IGF1R: variants seen among roughly 807,000 people sequenced by gnomAD.
IGF1R encodes insulin-like growth factor 1 receptor.
In IGF1R, 44 loss-of-function variants were observed where a neutral mutation model predicts 144.6. That is an observed-to-expected ratio of 0.30 (90% CI 0.24 to 0.39). IGF1R has a LOEUF of 0.39. Among genes scored for constraint, IGF1R ranks in the 10% least tolerant of loss-of-function variants. The pLI is 1.00. For missense variants in IGF1R, 1,355 were observed against 1,833.7 expected (o/e 0.74, Z 4.77); for synonymous variants, 795 against 722.8 (o/e 1.10, Z -1.60).
intron 1 of IGF1R, among the ~76,000 whole-genome samples, chr15:98,695,529 A>G (rs2053576243): frequency 6.6e-6 from 1 of 152,198 alleles, no homozygotes; most frequent in East Asian, 1.9e-4. Flanking sequence ...TCCCTAAATT[A>G]CCTGAGTGAT....
In IGF1R at chr15:98,857,771, C is replaced by A. The variant is rs8034065; in HGVS notation, c.641-33554C>A. Among the ~76,000 whole-genome samples the A allele has an allele frequency of 5.3e-4, 80 of 152,264 alleles. 1 individual carries two copies. The highest frequency in any genetic ancestry group is 1.7e-3 in the African/African-American group (72 of 41,540). Reference sequence around the variant, plus strand: ...CTACATGTGGCTAATGGCTACTGGACATCACAGATCTAACACAGGATTAAC... The same window carrying A: ...CTACATGTGGCTAATGGCTACTGGAAATCACAGATCTAACACAGGATTAAC... On this transcript the variant is annotated intron_variant, in intron 2 of 20. Transcript: ENST00000650285.
At chr15:98,780,882 C>T (rs1391069119) in intron 2 of IGF1R, among the ~76,000 whole-genome samples, 4 of 152,196 alleles carry the variant, frequency 2.6e-5, no homozygotes, top group African/African-American at 9.7e-5. Flanking sequence ...AGAAAATCTA[C>T]ACAATCTTAC....
At chr15:98,698,128 T>C (rs555280883) in intron 1 of IGF1R, among the ~76,000 whole-genome samples, 1 of 150,334 alleles carries the variant, frequency 6.7e-6, no homozygotes, top group African/African-American at 2.5e-5. Flanking sequence ...AACCTCTGCC[T>C]CCCAGGTTGA....
chr15:98,896,874 G>C lies in IGF1R; in HGVS notation c.1071G>C (p.Lys357Asn), dbSNP rs1272764447. The change falls in exon 4 of 21, where the codon AAG becomes AAC. Residue 357 changes from lysine to asparagine, a missense_variant. Transcript: ENST00000650285. ...TGCTCCAAGGATGCACCATCTTCAA[G>C]GGCAATTTGCTCATTAACATCCGAC... ...AQMLQGCTIF[K>N]GNLLINIRRG... 1 of 1,614,010 alleles carries C rather than the reference G, an allele frequency of 6.2e-7. No individual in the cohort carries two copies. The highest frequency in any genetic ancestry group is 8.5e-7 in the Non-Finnish European group (1 of 1,179,998).
At chr15:98,770,163 C>T (rs2055547941) in intron 2 of IGF1R, among the ~76,000 whole-genome samples, 1 of 152,164 alleles carries the variant, frequency 6.6e-6, no homozygotes, top group South Asian at 2.1e-4. Context: ...CACCATGTCA[C>T]TCTGACTTCC....
chr15:98,786,876 C>T (rs2056011027), intron 2 of IGF1R, among the ~76,000 whole-genome samples: 1 of 152,176 alleles, frequency 6.6e-6, no homozygotes. Context: ...CACTTTGTTG[C>T]CGTCCTAACC....
At chr15:98,755,418 A>C (rs911549600) in intron 2 of IGF1R, among the ~76,000 whole-genome samples, 3 of 152,200 alleles carry the variant, frequency 2.0e-5, no homozygotes, top group African/African-American at 7.2e-5. Flanking sequence ...GTGTATGTGT[A>C]TACATCCATC....
At chr15:98,769,911 T>C (rs1317636441) in intron 2 of IGF1R, among the ~76,000 whole-genome samples, 2 of 152,220 alleles carry the variant, frequency 1.3e-5, no homozygotes, top group Non-Finnish European at 2.9e-5. Context: ...GGATTTGAGA[T>C]TTTCTATCCC....
intron 2 of IGF1R, among the ~76,000 whole-genome samples, chr15:98,717,962 C>T (rs912167029): frequency 2.0e-5 from 3 of 152,160 alleles, no homozygotes; most frequent in Non-Finnish European, 4.4e-5. Flanking sequence ...TGCACACGTG[C>T]ACGTGTGCGT....
intron 2 of IGF1R, among the ~76,000 whole-genome samples, chr15:98,857,634 C>T (rs1057363097): frequency 2.0e-4 from 31 of 152,230 alleles, no homozygotes; most frequent in Admixed American, 1.6e-3. Context: ...GATGCCCTGT[C>T]CAGTACAGGA....
chr15:98,754,065 A>G (rs1268134914), intron 2 of IGF1R, among the ~76,000 whole-genome samples: 3 of 152,198 alleles, frequency 2.0e-5, no homozygotes, highest in Non-Finnish European at 4.4e-5. Flanking sequence ...TTAACGCACA[A>G]TTTAACTCCC....
At chr15:98,796,028 C>T (rs2056233807) in intron 2 of IGF1R, among the ~76,000 whole-genome samples, 1 of 152,192 alleles carries the variant, frequency 6.6e-6, no homozygotes, top group South Asian at 2.1e-4. Flanking sequence ...GCCGTCTCTG[C>T]CTGCTCCATC....
intron 5 of IGF1R, among the ~76,000 whole-genome samples, chr15:98,904,520 T>C (rs2014636435): frequency 6.6e-6 from 1 of 152,140 alleles, no homozygotes; most frequent in Non-Finnish European, 1.5e-5. Flanking sequence ...AATATTGGAT[T>C]TGGGGGAGAG....
At position 98,957,129 on chromosome 15, in the gene IGF1R, G is replaced by T; in HGVS notation, c.3791G>T (p.Ser1264Ile). Residue 1264 changes from serine to isoleucine, a missense_variant, in exon 21 of 21, where the codon AGC becomes ATC. Physicochemically the swap from Ser to Ile is moderately radical, Grantham distance 142. Transcript: ENST00000650285. ...KMRPSFLEII[S>I]SIKEEMEPGF... is the part of the protein sequence containing the mutation. The stretch of plus-strand genomic sequence containing the variant: ...AGGCCTTCCTTCCTGGAGATCATCA[G>T]CAGCATCAAAGAGGAGATGGAGCCT... 1 of 1,614,230 alleles carries T rather than the reference G, an allele frequency of 6.2e-7. No homozygotes were observed.
In IGF1R at chr15:98,810,844, A is replaced by G. The variant is rs1294622371; in HGVS notation, c.641-80481A>G. 4.0e-5 allele frequency among the ~76,000 whole-genome samples: 6 copies of G among 149,366 alleles called. 1 individual carries two copies. The highest frequency in any genetic ancestry group is 1.2e-4 in the African/African-American group (5 of 40,522). On this transcript the variant is annotated intron_variant, in intron 2 of 20. Coordinates refer to ENST00000650285, the MANE Select transcript of IGF1R (RefSeq NM_000875.5). ...ATTACAGGCGTGAGCCACCACGCCC[A>G]GCCTCTAAATGATTTTCTTAAGTGT...
chr15:98,861,455 C>T (rs977228615), intron 2 of IGF1R, among the ~76,000 whole-genome samples: 6 of 152,182 alleles, frequency 3.9e-5, no homozygotes, highest in Non-Finnish European at 8.8e-5. Context: ...TAACCCCAAC[C>T]TCCATGGCCT....
At chr15:98,800,482 A>G (rs1307346116) in intron 2 of IGF1R, among the ~76,000 whole-genome samples, 2 of 152,114 alleles carry the variant, frequency 1.3e-5, no homozygotes, top group African/African-American at 4.8e-5. Context: ...CGTTTTACCA[A>G]CAAAGAACAA....
chr15:98,925,245 C>T (rs778506193), intron 13 of IGF1R, among the ~76,000 whole-genome samples: 13 of 152,162 alleles, frequency 8.5e-5, no homozygotes, highest in Non-Finnish European at 1.3e-4. Context: ...CCCTTTGGTA[C>T]AGAGACTGAG....
In IGF1R at chr15:98,958,163, T is replaced by G. The variant is rs2017086222; in HGVS notation, c.*721T>G. On this transcript the variant is annotated 3_prime_UTR_variant, in exon 21 of 21. Coordinates refer to ENST00000650285, the MANE Select transcript of IGF1R (RefSeq NM_000875.5). ...CACACTCCGTCCATCCGACTGCCCCTGCTGTGCTGCTCAAGGCCACAGGCA... is the reference window on the plus strand; with the variant it reads ...CACACTCCGTCCATCCGACTGCCCCGGCTGTGCTGCTCAAGGCCACAGGCA... The G allele has an allele frequency of 4.3e-6, 1 of 233,420 alleles. No individual in the cohort carries two copies. The highest frequency in any genetic ancestry group is 2.2e-5 in the African/African-American group (1 of 45,444). The allele number at this position is 233,420 out of a possible 1,614,324, so 14.5% of individuals were successfully genotyped here.
Sources: gnomAD v4.1 joint callset for allele counts (sites outside exome capture counted in the v4.1 genomes callset) on GRCh38, gnomAD v4.1.1 for gene constraint, MANE v1.5 for transcripts, NCBI Gene and HGNC (gene_info 2026-07-23, HGNC 2026-07-21) for gene names.